Variants in GUCA1C observed in about 807,000 individuals in gnomAD.
The protein encoded by GUCA1C is guanylyl cyclase-activating protein 3.
Under a neutral mutation model 16.2 loss-of-function variants are expected in GUCA1C, and 15 were observed. The observed-to-expected ratio is 0.93, with a 90% CI of 0.62 to 1.43. GUCA1C has a LOEUF of 1.43. GUCA1C is among the 40% of genes most tolerant of loss of function. The pLI is 0.00. For missense variants in GUCA1C, 275 were observed against 244.8 expected, an observed-to-expected ratio of 1.12 and a Z score of -0.82; for synonymous variants, 78 against 85.4, an observed-to-expected ratio of 0.91 and a Z score of 0.48.
intron 1 of GUCA1C, among the ~76,000 whole-genome samples, chr3:108,946,628 T>A (rs1576557520): frequency 6.6e-6 from 1 of 152,154 alleles, no homozygotes; most frequent in African/African-American, 2.4e-5. Context: ...TGAATCTATT[T>A]ACGTTTCTAT....
chr3:108,939,268 A>G (rs1946760218), intron 1 of GUCA1C, among the ~76,000 whole-genome samples: 1 of 146,882 alleles, frequency 6.8e-6, no homozygotes, highest in Admixed American at 6.9e-5. Flanking sequence ...AAAATGGCAG[A>G]ATTTGATGGT....
At position 108,908,151 on chromosome 3, in the gene GUCA1C, C is replaced by T. The variant is rs1946410602; in HGVS notation, c.501G>A (p.Glu167=). 6.2e-7 allele frequency: 1 copy of T among 1,613,878 alleles called. No individual in the cohort carries two copies. Among genetic ancestry groups the T allele is most frequent in the Non-Finnish European group, 8.5e-7 (1 of 1,179,816 alleles). ...AGAAGTCGAAGCTCTTGTAAACAAT[C>T]TCCAGGAGATCCTGATCTTTTGCCA... ...NGMAKDQDLL[E]IVYKSFDFSN... The change falls in exon 4 of 4, where the codon GAG becomes GAA. Residue 167 remains glutamate (E), a synonymous_variant. Coordinates refer to ENST00000261047, the MANE Select transcript of GUCA1C (RefSeq NM_005459.4).
At chr3:108,942,977 T>C (rs1449226856) in intron 1 of GUCA1C, among the ~76,000 whole-genome samples, 4 of 152,218 alleles carry the variant, frequency 2.6e-5, no homozygotes, top group Non-Finnish European at 1.5e-5. Flanking sequence ...AGACATTCAT[T>C]GCCTAAGAGA....
At chr3:108,943,653 AC>A (rs1268293526) in intron 1 of GUCA1C, among the ~76,000 whole-genome samples, 1 of 152,036 alleles carries the variant, frequency 6.6e-6, no homozygotes, top group Non-Finnish European at 1.5e-5. Context: ...GTAAAGGAGG[AC>A]TCAAAATATA....
Position 108,907,977 on chromosome 3 carries a change from C to T in GUCA1C, c.*45G>A. On this transcript the variant is annotated 3_prime_UTR_variant, in exon 4 of 4. Coordinates refer to ENST00000261047, the MANE Select transcript of GUCA1C (RefSeq NM_005459.4). ...TGGGGAAGATTCTATTTCTTCTCTA[C>T]TGAAATGTTGTGCTCATTGATAGCT... 7.2e-7 allele frequency: 1 copy of T among 1,388,858 alleles called. No homozygotes were observed. Among genetic ancestry groups the T allele is most frequent in the Non-Finnish European group, 1.0e-6 (1 of 994,530 alleles). 86.0% of individuals were successfully genotyped at this position (1,388,858 alleles called of 1,614,324 possible).
At chr3:108,911,016 A>G (rs1676709284) in intron 3 of GUCA1C, among the ~76,000 whole-genome samples, 1 of 152,162 alleles carries the variant, frequency 6.6e-6, no homozygotes, top group South Asian at 2.1e-4. Context: ...AAGTTGAAAT[A>G]TATGTAATTG....
At chr3:108,952,580 C>T (rs1449367159) in intron 1 of GUCA1C, among the ~76,000 whole-genome samples, 2 of 152,140 alleles carry the variant, frequency 1.3e-5, no homozygotes, top group Non-Finnish European at 2.9e-5. Flanking sequence ...TTTTAAGTCA[C>T]CTGCTTCTTG....
At chr3:108,943,971 T>A (rs966534923) in intron 1 of GUCA1C, among the ~76,000 whole-genome samples, 19 of 151,666 alleles carry the variant, frequency 1.3e-4, no homozygotes, top group East Asian at 1.9e-4. Flanking sequence ...ATAGAAAAAA[T>A]TTTTAATTAA....
At chr3:108,909,695 T>C (rs10511275) in intron 3 of GUCA1C, among the ~76,000 whole-genome samples, 5,409 of 152,230 alleles carry the variant, frequency 0.036, 308 homozygotes, top group African/African-American at 0.12. Context: ...GCAATACAGG[T>C]TACTGACATG....
At chr3:108,916,016 C>A in intron 3 of GUCA1C, 111 bp downstream of exon 3, 1 of 1,338,988 alleles carries the variant, frequency 7.5e-7, no homozygotes, top group Non-Finnish European at 1.0e-6. Context: ...AAGCCTAAGT[C>A]ACAACTAGGG....
At chr3:108,954,254 A>T (rs1946927958), upstream of GUCA1C, among the ~76,000 whole-genome samples, 1 of 152,216 alleles carries the variant, frequency 6.6e-6, no homozygotes, top group Non-Finnish European at 1.5e-5. Context: ...ATACCTGAGT[A>T]TTGTGAAGAT....
rs1408238090 is a variant in GUCA1C at position 108,953,815 on chromosome 3, C to G, written c.-53G>C. ...CAGGTTGTTTTCACTTAAGTTTTTG[C>G]TGGATTTAGTCCCTTACTCCTCACT... On this transcript the variant is annotated 5_prime_UTR_variant, in exon 1 of 4. Transcript: ENST00000261047. 1 of 1,316,946 alleles carries G rather than the reference C, an allele frequency of 7.6e-7. No homozygotes were observed. The highest frequency in any genetic ancestry group is 1.4e-5 in the African/African-American group (1 of 69,000). The allele number at this position is 1,316,946 out of a possible 1,614,324, so 81.6% of individuals were successfully genotyped here. A position where few individuals can be genotyped will look rare whatever the true frequency, so the allele number is the denominator to read the frequency against.
intron 3 of GUCA1C, among the ~76,000 whole-genome samples, chr3:108,910,698 G>A (rs1946443569): frequency 6.6e-6 from 1 of 151,182 alleles, no homozygotes. Context: ...CTCCCAGGCT[G>A]GAGTGCAGTG....
intron 1 of GUCA1C, among the ~76,000 whole-genome samples, chr3:108,946,891 GAAA>G (rs10607933): frequency 0.041 from 3,937 of 96,364 alleles, 173 homozygotes; most frequent in African/African-American, 0.15. Context: ...TCAAGAATCT[GAAA>G]AAAAAAAAAA....
At position 108,920,530 on chromosome 3, in the gene GUCA1C, T is replaced by G. The variant is rs1946560047; in HGVS notation, c.260A>C (p.Glu87Ala). 1.3e-6 allele frequency: 2 copies of G among 1,585,222 alleles called. No homozygotes were observed. The highest frequency in any genetic ancestry group is 1.7e-6 in the Non-Finnish European group (2 of 1,153,944). ...FIAAVNLIMQ[E>A]KMEQKLKWYF... Reference sequence around the variant, plus strand: ...CCATTTTAATTTTTGCTCCATTTTTTCTTGCATGATTAGATTTACAGCAGC... The same window carrying G: ...CCATTTTAATTTTTGCTCCATTTTTGCTTGCATGATTAGATTTACAGCAGC... The change falls in exon 2 of 4, where the codon GAA (glutamate) becomes GCA (alanine). Residue 87 changes from glutamate (E) to alanine (A), a missense_variant. Physicochemically the swap from Glu to Ala is moderately radical, Grantham distance 107 (BLOSUM62 -1). Coordinates refer to ENST00000261047, the MANE Select transcript of GUCA1C (RefSeq NM_005459.4).
intron 2 of GUCA1C, among the ~76,000 whole-genome samples, chr3:108,919,037 C>T (rs1354851013): frequency 6.6e-6 from 1 of 152,034 alleles, no homozygotes; most frequent in East Asian, 1.9e-4. Context: ...CGCAGATTAC[C>T]ACATTTCCCG....
intron 1 of GUCA1C, among the ~76,000 whole-genome samples, chr3:108,939,618 C>T (rs1196285234): frequency 6.7e-6 from 1 of 149,226 alleles, no homozygotes; most frequent in Non-Finnish European, 1.5e-5. Context: ...TGAGCCACCG[C>T]GCCCGGCCAA....
At chr3:108,927,924 C>T (rs1266948085) in intron 1 of GUCA1C, among the ~76,000 whole-genome samples, 1 of 152,194 alleles carries the variant, frequency 6.6e-6, no homozygotes, top group African/African-American at 2.4e-5. Context: ...ATGTGATGTT[C>T]TCCCCCTTCC....
In GUCA1C at chr3:108,953,546, T is replaced by G. The variant is rs1267943770; in HGVS notation, c.204+13A>C. On this transcript the variant is annotated intron_variant, in intron 1 of 3. Coordinates refer to ENST00000261047, the MANE Select transcript of GUCA1C (RefSeq NM_005459.4). The stretch of plus-strand genomic sequence containing the variant: ...CAGCATTTTCAAATGAAATGAAAAA[T>G]GAAAGATCTTACCTTGTTCGTGTCA... The G allele has an allele frequency of 2.4e-5, 37 of 1,530,982 alleles. No individual in the cohort carries two copies. Among genetic ancestry groups the G allele is most frequent in the Non-Finnish European group, 3.3e-5 (36 of 1,106,116 alleles). The allele number at this position is 1,530,982 out of a possible 1,614,324, so 94.8% of individuals were successfully genotyped here. A position where few individuals can be genotyped will look rare whatever the true frequency, so the allele number is the denominator to read the frequency against.
Sources: allele counts gnomAD v4.1 joint callset (sites outside exome capture counted in the v4.1 genomes callset), GRCh38; gene constraint gnomAD v4.1.1; transcripts MANE v1.5; gene names NCBI Gene and HGNC (gene_info 2026-07-23, HGNC 2026-07-21).